ATP9B: variants seen among roughly 807,000 people sequenced by gnomAD.
The protein encoded by ATP9B is ATPase phospholipid transporting 9B.
ATP9B carries 110 observed loss-of-function variants against 146.1 expected under a neutral mutation model. The ratio of observed to expected loss-of-function variants is 0.75; its 90% confidence interval spans 0.65 to 0.88. The LOEUF is 0.88. Ranked by LOEUF, ATP9B falls within the 40% of genes least tolerant of loss-of-function variation. The pLI is 0.00. For synonymous variants in ATP9B, 604 were observed against 569.7 expected, an observed-to-expected ratio of 1.06 and a Z score of -0.86; for missense variants, 1,499 against 1,496.4, an observed-to-expected ratio of 1.00 and a Z score of -0.03.
At chr18:79,346,256 A>ACT (rs2096886729) in intron 23 of ATP9B, among the ~76,000 whole-genome samples, 1 of 148,660 alleles carries the variant, frequency 6.7e-6, no homozygotes, top group Non-Finnish European at 1.5e-5. Context: ...GTCAGCACAC[A>ACT]CGGCACATAC....
At position 79,307,129 on chromosome 18, in the gene ATP9B, C is replaced by T. The variant is rs143423030; in HGVS notation, c.1668C>T (p.Pro556=). The change falls in exon 15 of 30, where the codon CCC becomes CCT. Residue 556 remains proline (P), a synonymous_variant. Transcript: ENST00000426216. The part of the protein sequence containing the change: ...KAIVLCHNVT[P]VYESRAGVTE... The stretch of plus-strand genomic sequence containing the variant: ...TCGTGCTGTGTCACAACGTGACCCC[C>T]GTGTATGAGTCTCGGGCCGGCGTTA... The T allele has an allele frequency of 1.7e-5, 28 of 1,614,064 alleles. No individual in the cohort carries two copies. Among genetic ancestry groups the T allele is most frequent in the East Asian group, 8.9e-5 (4 of 44,894 alleles).
At chr18:79,077,210 ATTATG>A (rs2072724318) in intron 1 of ATP9B, among the ~76,000 whole-genome samples, 1 of 152,102 alleles carries the variant, frequency 6.6e-6, no homozygotes, top group Admixed American at 6.5e-5. Flanking sequence ...CATTTTGGGT[ATTATG>A]TTATGAGATT....
rs1432178134 is a variant in ATP9B at position 79,345,762 on chromosome 18, T to C, written c.2618-13T>C. On this transcript the variant is annotated splice_polypyrimidine_tract_variant and intron_variant, in intron 22 of 29. Coordinates refer to ENST00000426216, the MANE Select transcript of ATP9B (RefSeq NM_198531.5). ...ATAAGGTTTTATTTCATCTCACTTT[T>C]CTTGCTTCGCAGGTGATGGAGGAAA... 6 of 1,614,230 alleles carry C rather than the reference T, an allele frequency of 3.7e-6. No homozygotes were observed. The highest frequency in any genetic ancestry group is 5.1e-6 in the Non-Finnish European group (6 of 1,180,010).
Position 79,331,928 on chromosome 18 carries a change from A to G in ATP9B, c.2028+1824A>G, listed in dbSNP as rs148162547. 5.3e-5 allele frequency among the ~76,000 whole-genome samples: 8 copies of G among 152,308 alleles called. No individual in the cohort carries two copies. In the East Asian group the frequency reaches 1.5e-3, roughly 29 times the overall value. ...AGGAAACAAGTACAGGTGACCCTTG[A>G]ACAACACGAGGGCCAGGGGCTCCAA... On this transcript the variant is annotated intron_variant, in intron 17 of 29. Coordinates refer to ENST00000426216, the MANE Select transcript of ATP9B (RefSeq NM_198531.5).
At chr18:79,089,668 C>T (rs1215831903) in intron 1 of ATP9B, among the ~76,000 whole-genome samples, 1 of 152,122 alleles carries the variant, frequency 6.6e-6, no homozygotes, top group African/African-American at 2.4e-5. Flanking sequence ...GACATTTATG[C>T]GATACATATG....
intron 15 of ATP9B, among the ~76,000 whole-genome samples, chr18:79,311,373 T>C (rs2096651443): frequency 6.6e-6 from 1 of 152,196 alleles, no homozygotes; most frequent in South Asian, 2.1e-4. Context: ...CTTTTCGTGG[T>C]GGTGACTCTC....
intron 13 of ATP9B, among the ~76,000 whole-genome samples, chr18:79,287,620 G>A (rs1310862387): frequency 6.6e-6 from 1 of 151,048 alleles, no homozygotes; most frequent in Non-Finnish European, 1.5e-5. Context: ...ATTTCCTTCA[G>A]TTCTGCTCTG....
chr18:79,162,102 G>A (rs945253587), intron 7 of ATP9B, among the ~76,000 whole-genome samples: 1 of 152,026 alleles, frequency 6.6e-6, no homozygotes, highest in African/African-American at 2.4e-5. Flanking sequence ...TTTAGTTTCA[G>A]TTTGAAAAAA....
At chr18:79,129,564 A>G (rs754689772) in intron 5 of ATP9B, among the ~76,000 whole-genome samples, 1 of 152,264 alleles carries the variant, frequency 6.6e-6, no homozygotes, top group South Asian at 2.1e-4. Context: ...CTGGCTGAAT[A>G]TAAGAATGGA....
chr18:79,272,765 C>T lies in ATP9B; in HGVS notation c.1269-4289C>T, dbSNP rs566480505. ...TCATTGATTACTTGCTCCACTGTAA[C>T]TCTCAGTCACCTTCTGTTATGCATC... On this transcript the variant is annotated intron_variant, in intron 12 of 29. Transcript: ENST00000426216. Among the ~76,000 whole-genome samples, 8 of 152,358 alleles carry T rather than the reference C, an allele frequency of 5.3e-5. No homozygotes were observed. The East Asian group carries it at 1.2e-3, about 22-fold the overall frequency.
In ATP9B at chr18:79,347,719, G is replaced by T. The variant is rs535992496; in HGVS notation, c.2683-51G>T. 4 of 1,489,716 alleles carry T rather than the reference G, an allele frequency of 2.7e-6. No homozygotes were observed. The East Asian group carries it at 9.5e-5, about 35-fold the overall frequency. 92.3% of individuals were successfully genotyped at this position (1,489,716 alleles called of 1,614,324 possible). A position where few individuals can be genotyped will look rare whatever the true frequency, so the allele number is the denominator to read the frequency against. ...GTTCTAAAACTCACTTTTGGAGTCT[G>T]ATTTCCAGCGTCCGCCATGTTTGAA... On this transcript the variant is annotated intron_variant, in intron 23 of 29. Transcript: ENST00000426216.
intron 15 of ATP9B, among the ~76,000 whole-genome samples, chr18:79,322,300 A>G (rs774583433): frequency 1.3e-4 from 20 of 152,246 alleles, no homozygotes; most frequent in Non-Finnish European, 2.6e-4. Flanking sequence ...TGTAGCGTCC[A>G]TAGAACGGCA....
chr18:79,190,464 G>T (rs928468640), intron 8 of ATP9B, among the ~76,000 whole-genome samples: 5 of 149,766 alleles, frequency 3.3e-5, no homozygotes, highest in Non-Finnish European at 1.5e-5. Context: ...TTTTTAATAT[G>T]TAGTATATCT....
At chr18:79,311,778 C>A (rs1167986281) in intron 15 of ATP9B, among the ~76,000 whole-genome samples, 1 of 152,172 alleles carries the variant, frequency 6.6e-6, no homozygotes, top group African/African-American at 2.4e-5. Flanking sequence ...CCGTCTTTCT[C>A]TACAGTCCGT....
At chr18:79,200,761 A>ACTGTCGGGGTCAGAG (rs1568388850) in intron 9 of ATP9B, among the ~76,000 whole-genome samples, 3 of 152,246 alleles carry the variant, frequency 2.0e-5, no homozygotes, top group Non-Finnish European at 2.9e-5. Context: ...GGAGGTGGGA[A>ACTGTCGGGGTCAGAG]CGTTGGGGTC....
chr18:79,179,440 C>T (rs1359687741), intron 8 of ATP9B, among the ~76,000 whole-genome samples: 1 of 151,696 alleles, frequency 6.6e-6, no homozygotes, highest in Admixed American at 6.6e-5. Context: ...CATTGTTTAC[C>T]TGTGTCACAC....
chr18:79,187,366 T>C (rs972892072), intron 8 of ATP9B, among the ~76,000 whole-genome samples: 1 of 152,188 alleles, frequency 6.6e-6, no homozygotes. Flanking sequence ...ACCTCCACAC[T>C]GTCCCACAGG....
intron 15 of ATP9B, among the ~76,000 whole-genome samples, chr18:79,308,748 G>T (rs1212765684): frequency 9.1e-6 from 1 of 110,150 alleles, no homozygotes; most frequent in Non-Finnish European, 1.9e-5. Flanking sequence ...GTCAGGGGCT[G>T]AGGAGTGATC....
At chr18:79,309,391 G>C (rs1213132141) in intron 15 of ATP9B, among the ~76,000 whole-genome samples, 3 of 145,400 alleles carry the variant, frequency 2.1e-5, no homozygotes, top group African/African-American at 7.9e-5. Context: ...AGAAGGTCAG[G>C]GGCGGAGGAG....
Sources: allele counts gnomAD v4.1 joint callset (sites outside exome capture counted in the v4.1 genomes callset), GRCh38; gene constraint gnomAD v4.1.1; transcripts MANE v1.5; gene names NCBI Gene and HGNC (gene_info 2026-07-23, HGNC 2026-07-21).